Variants in HNRNPL observed in about 807,000 individuals in gnomAD.
HNRNPL encodes heterogeneous nuclear ribonucleoprotein L.
In HNRNPL, 12 loss-of-function variants were observed where a neutral mutation model predicts 64.0. The observed-to-expected ratio is 0.19, with a 90% CI of 0.12 to 0.30. The LOEUF (loss-of-function observed/expected upper bound fraction) is 0.30. Among genes scored for constraint, HNRNPL ranks in the 10% least tolerant of loss-of-function variants. The pLI is 1.00. For missense variants in HNRNPL, 484 were observed against 797.4 expected (o/e 0.61, Z 4.73); for synonymous variants, 385 against 313.0 (o/e 1.23, Z -2.43).
At chr19:38,842,448 C>G (rs891973761) in intron 6 of HNRNPL, 1 of 152,220 alleles carries the variant, frequency 6.6e-6, no homozygotes. Context: ...ATAAAAAAAG[C>G]AGTGTCTGCT....
At position 38,840,278 on chromosome 19, in the gene HNRNPL, C is replaced by T; in HGVS notation, c.1051G>A (p.Gly351Ser). The stretch of plus-strand genomic sequence containing the variant: ...TAGCGACTTGGGCCCCGACGGTGAC[C>T]CCCCACTGGTGGACCCATCCTTCTC... ...EGRRMGPPVG[G>S]HRRGPSRYGP... is the part of the protein sequence containing the mutation. Residue 351 changes from glycine (G) to serine (S), a missense_variant, in exon 8 of 13, where the codon GGT becomes AGT. By Grantham distance (56) the Gly-to-Ser change is moderately conservative. Coordinates refer to ENST00000221419, the MANE Select transcript of HNRNPL (RefSeq NM_001533.3). 6.3e-7 allele frequency: 1 copy of T among 1,578,192 alleles called. No homozygotes were observed.
Position 38,848,578 on chromosome 19 carries a change from C to A in HNRNPL, c.267+1122G>T, listed in dbSNP as rs569431061. 2.6e-3 allele frequency among the ~76,000 whole-genome samples: 396 copies of A among 152,278 alleles called. 3 individuals carry two copies. Among genetic ancestry groups the A allele is most frequent in the Non-Finnish European group, 1.6e-3 (112 of 68,022 alleles). ...GTCTGAGAATCACTGGGCAGAAGTG[C>A]GTGGAAGGTGGGTAGAATTGGATTC... On this transcript the variant is annotated intron_variant, in intron 1 of 12. Coordinates refer to ENST00000221419, the MANE Select transcript of HNRNPL (RefSeq NM_001533.3).
chr19:38,842,013 C>T (rs1210667903), intron 6 of HNRNPL: 9 of 255,186 alleles, frequency 3.5e-5, no homozygotes, highest in South Asian at 2.7e-4. Flanking sequence ...CCTGGTTACC[C>T]GGCAGCAGGT....
At chr19:38,841,057 ATCCCAGTCCCCCCTCCC>A (rs1172441794) in intron 6 of HNRNPL, 1 of 187,138 alleles carries the variant, frequency 5.3e-6, no homozygotes, top group East Asian at 1.7e-4. Context: ...TTCTTTCTTA[ATCCCAGTCCCCCCTCCC>A]TCCCAGTCCC....
At chr19:38,842,168 C>A (rs1972139685) in intron 6 of HNRNPL, 1 of 145,512 alleles carries the variant, frequency 6.9e-6, no homozygotes, top group Non-Finnish European at 1.5e-5. Context: ...CAGCCGGTGA[C>A]TGCAGAAAAA....
upstream of HNRNPL, among the ~76,000 whole-genome samples, chr19:38,851,728 C>A (rs1273480570): frequency 6.6e-6 from 1 of 152,202 alleles, no homozygotes; most frequent in Non-Finnish European, 1.5e-5. Context: ...CGCGCCCCTG[C>A]ACTCCAGCGT....
At chr19:38,838,745 G>A (rs1465780693) in intron 9 of HNRNPL, 147 bp from the exon 10 acceptor site, 2 of 1,309,928 alleles carry the variant, frequency 1.5e-6, no homozygotes, top group Non-Finnish European at 2.2e-6. Flanking sequence ...TTCTCCTGTG[G>A]TGTCAGAGAC....
intron 6 of HNRNPL, chr19:38,841,282 C>A: frequency 6.1e-6 from 2 of 329,580 alleles, no homozygotes; most frequent in South Asian, 4.9e-5. Context: ...TTACAGACAT[C>A]ACAGCTTCTG....
At chr19:38,840,745 G>C (rs900543042) in intron 6 of HNRNPL, 186 bp from the exon 7 acceptor site, 1 of 612,978 alleles carries the variant, frequency 1.6e-6, no homozygotes, top group East Asian at 2.9e-5. Context: ...CTCAAAGCTG[G>C]TGCCCACTCT....
At chr19:38,838,697 G>C in intron 9 of HNRNPL, 99 bp from the exon 10 acceptor site, 1 of 1,358,156 alleles carries the variant, frequency 7.4e-7, no homozygotes, top group Non-Finnish European at 1.0e-6. Context: ...TGTGTGCCTT[G>C]GGGCATTGCT....
At chr19:38,842,638 CCT>C (rs1339338390) in intron 6 of HNRNPL, among the ~76,000 whole-genome samples, 1 of 151,966 alleles carries the variant, frequency 6.6e-6, no homozygotes, top group Non-Finnish European at 1.5e-5. Flanking sequence ...GGTTTTCTAC[CCT>C]GTGTGTTGGT....
At chr19:38,840,671 C>A in intron 6 of HNRNPL, 112 bp from the exon 7 acceptor site, 1 of 846,810 alleles carries the variant, frequency 1.2e-6, no homozygotes, top group Non-Finnish European at 1.9e-6. Flanking sequence ...GCAAGCCCTC[C>A]CTTCCTCGAG....
At chr19:38,844,414 A>C (rs1300576385) in intron 4 of HNRNPL, among the ~76,000 whole-genome samples, 1 of 152,122 alleles carries the variant, frequency 6.6e-6, no homozygotes, top group Non-Finnish European at 1.5e-5. Flanking sequence ...CTTCGACTAA[A>C]TCTGAAACAT....
rs1359926367 is a variant in HNRNPL at position 38,836,509 on chromosome 19, T to C, written c.*213A>G. 7.1e-6 allele frequency: 3 copies of C among 421,712 alleles called. No individual in the cohort carries two copies. In the East Asian group the frequency reaches 1.1e-4, roughly 15 times the overall value. The allele number at this position is 421,712 out of a possible 1,614,324, so 26.1% of individuals were successfully genotyped here. ...ATAATTTTTTAAAAGTGAAGGTTAA[T>C]CTTGGGAGATAACAGTTCCCCTCTC... On this transcript the variant is annotated 3_prime_UTR_variant, in exon 13 of 13. Coordinates refer to ENST00000221419, the MANE Select transcript of HNRNPL (RefSeq NM_001533.3).
In HNRNPL at chr19:38,849,863, A is replaced by G. The variant is rs1280217161; in HGVS notation, c.104T>C (p.Met35Thr). Residue 35 changes from methionine (M) to threonine (T), a missense_variant, in exon 1 of 13, where the codon ATG becomes ACG. By Grantham distance (81) the Met-to-Thr change is moderately conservative. Transcript: ENST00000221419. ...QRRRSGAMVK[M>T]AAAGGGGGGG... Reference sequence around the variant, plus strand: ...GCCGCCTCCGCCGCCCGCCGCCGCCATCTTCACCATCGCTCCCGACCGCCT... The same window carrying G: ...GCCGCCTCCGCCGCCCGCCGCCGCCGTCTTCACCATCGCTCCCGACCGCCT... 8.2e-7 allele frequency: 1 copy of G among 1,217,452 alleles called. No individual in the cohort carries two copies. The highest frequency in any genetic ancestry group is 1.2e-6 in the Non-Finnish European group (1 of 860,074). The allele number at this position is 1,217,452 out of a possible 1,614,324, so 75.4% of individuals were successfully genotyped here.
chr19:38,845,574 G>T, intron 4 of HNRNPL, 76 bp downstream of exon 4: 1 of 1,199,020 alleles, frequency 8.3e-7, no homozygotes, highest in Non-Finnish European at 1.2e-6. Flanking sequence ...GACACATGCT[G>T]GCTCAAAGAA....
chr19:38,845,340 C>T (rs1972256017), intron 4 of HNRNPL: 2 of 303,402 alleles, frequency 6.6e-6, no homozygotes, highest in Admixed American at 4.8e-5. Context: ...CACTGCACTC[C>T]AGCCCAGGCA....
chr19:38,847,090 A>G (rs1440225210), intron 2 of HNRNPL, among the ~76,000 whole-genome samples: 2 of 152,158 alleles, frequency 1.3e-5, no homozygotes, highest in African/African-American at 2.4e-5. Context: ...AAAAGAGAAC[A>G]CTGACTAGAA....
chr19:38,843,738 G>A, intron 6 of HNRNPL, 104 bp downstream of exon 6: 2 of 944,376 alleles, frequency 2.1e-6, no homozygotes, highest in Non-Finnish European at 1.7e-6. Flanking sequence ...ATGTCCATGG[G>A]GGGCCCAATG....
Sources: gnomAD v4.1 joint callset for allele counts (sites outside exome capture counted in the v4.1 genomes callset) on GRCh38, gnomAD v4.1.1 for gene constraint, MANE v1.5 for transcripts, NCBI Gene and HGNC (gene_info 2026-07-23, HGNC 2026-07-21) for gene names.